MAPK9: variants seen among roughly 807,000 people sequenced by gnomAD.
MAPK9 encodes Jun kinase.
A neutral mutation model predicts 57.1 loss-of-function variants in MAPK9; 30 were observed. That is an observed-to-expected ratio of 0.53 (90% CI 0.39 to 0.71). MAPK9 has a LOEUF of 0.71. Among genes scored for constraint, MAPK9 ranks in the 30% least tolerant of loss-of-function variants. The pLI is 0.00. For synonymous variants in MAPK9, 155 were observed against 177.0 expected (o/e 0.88, Z 0.99); for missense variants, 362 against 521.0 (o/e 0.69, Z 2.97).
intron 10 of MAPK9, among the ~76,000 whole-genome samples, chr5:180,239,019 G>A (rs1017715277): frequency 2.6e-5 from 4 of 152,068 alleles, no homozygotes; most frequent in Non-Finnish European, 5.9e-5. Context: ...ACACTGTAGG[G>A]GATTGGATAT....
At chr5:180,242,871 G>C (rs1757775560) in intron 7 of MAPK9, 116 bp from the exon 8 acceptor site, 1 of 696,374 alleles carries the variant, frequency 1.4e-6, no homozygotes, top group African/African-American at 1.8e-5. Flanking sequence ...TGGATCAGCA[G>C]CGGAATTTTG....
Position 180,281,033 on chromosome 5 carries a change from G to A in MAPK9, c.-47-425C>T, listed in dbSNP as rs551629790. On this transcript the variant is annotated intron_variant, in intron 1 of 11. Coordinates refer to ENST00000452135, the MANE Select transcript of MAPK9 (RefSeq NM_002752.5). ...AATGATCACTTCTAGAATGCCTAAA[G>A]AGAAGCAAACGGACCAGTCTTCTGC... Among the ~76,000 whole-genome samples, 3 of 152,358 alleles carry A rather than the reference G, an allele frequency of 2.0e-5. No individual in the cohort carries two copies. In the East Asian group the frequency reaches 5.8e-4, roughly 29 times the overall value.
chr5:180,276,234 C>T (rs976501144), intron 2 of MAPK9, among the ~76,000 whole-genome samples: 3 of 152,152 alleles, frequency 2.0e-5, no homozygotes, highest in Non-Finnish European at 4.4e-5. Flanking sequence ...CAGGCCAGTA[C>T]TCATGTTTAT....
intron 1 of MAPK9, among the ~76,000 whole-genome samples, chr5:180,286,305 C>T (rs1762757328): frequency 6.7e-6 from 1 of 149,596 alleles, no homozygotes; most frequent in South Asian, 2.1e-4. Flanking sequence ...GCCAGCACAC[C>T]CAGCTAATTT....
At chr5:180,249,223 T>C (rs1204246229) in intron 5 of MAPK9, 85 bp from the exon 6 acceptor site, 2 of 1,304,446 alleles carry the variant, frequency 1.5e-6, no homozygotes, top group Middle Eastern at 1.9e-4. Context: ...GTGAAGCCAG[T>C]GTGAGAGTGT....
chr5:180,236,261 G>A lies in MAPK9; in HGVS notation c.*123C>T. 1 of 1,090,116 alleles carries A rather than the reference G, an allele frequency of 9.2e-7. No homozygotes were observed. The highest frequency in any genetic ancestry group is 1.3e-6 in the Non-Finnish European group (1 of 783,180). 67.5% of individuals were successfully genotyped at this position (1,090,116 alleles called of 1,614,324 possible). Reference sequence around the variant, plus strand: ...TCCTATCAGGTCTGAGTAGGGCAAGGCATTGTGTTTCTTACATGCAGAACA... The same window carrying A: ...TCCTATCAGGTCTGAGTAGGGCAAGACATTGTGTTTCTTACATGCAGAACA... On this transcript the variant is annotated 3_prime_UTR_variant, in exon 12 of 12. Transcript: ENST00000452135.
intron 1 of MAPK9, among the ~76,000 whole-genome samples, chr5:180,285,075 AT>A (rs2127629453): frequency 6.6e-6 from 1 of 152,342 alleles, no homozygotes; most frequent in South Asian, 2.1e-4. Context: ...CAGAATGATC[AT>A]TTGACACTTG....
intron 1 of MAPK9, among the ~76,000 whole-genome samples, chr5:180,283,570 ATTAGG>A (rs1762490393): frequency 6.6e-6 from 1 of 152,264 alleles, no homozygotes; most frequent in Admixed American, 6.5e-5. Context: ...CTATGACAAT[ATTAGG>A]TTAACTTTTT....
At chr5:180,268,180 T>C (rs944726965) in intron 3 of MAPK9, among the ~76,000 whole-genome samples, 2 of 152,204 alleles carry the variant, frequency 1.3e-5, no homozygotes, top group African/African-American at 2.4e-5. Context: ...CAGCGACCAC[T>C]AGGAGAACAA....
chr5:180,239,820 T>A, intron 10 of MAPK9, 104 bp downstream of exon 10: 3 of 1,127,786 alleles, frequency 2.7e-6, no homozygotes, highest in Non-Finnish European at 4.0e-6. Context: ...GTCGCAGGGT[T>A]TCTTGCCCCT....
At chr5:180,282,006 C>T (rs775112224) in intron 1 of MAPK9, among the ~76,000 whole-genome samples, 2 of 152,188 alleles carry the variant, frequency 1.3e-5, no homozygotes, top group Non-Finnish European at 2.9e-5. Flanking sequence ...CCTGCCTAGC[C>T]CACACTGCTG....
In MAPK9 at chr5:180,280,455, GC is replaced by G. The variant is rs1451825604; in HGVS notation, c.106del (p.Ala36ProfsTer15). 6.2e-7 allele frequency: 1 copy of G among 1,614,008 alleles called. No individual in the cohort carries two copies. Among genetic ancestry groups the G allele is most frequent in the Admixed American group, 1.7e-5 (1 of 60,004 alleles). On this transcript the variant is annotated frameshift_variant, in exon 2 of 12. Transcript: ENST00000452135. LOFTEE classifies it high-confidence loss of function. Reference protein sequence around the residue: ...YQQLKPIGSGAQGIVCAAFDT... With the variant: ...YQQLKPIGSGXQGIVCAAFDT... ...CCATACTTACCAAACAATCCCTTGG[GC>G]CCCAGAGCCAATTGGTTTCAGCTGC...
intron 5 of MAPK9, among the ~76,000 whole-genome samples, chr5:180,254,042 C>T (rs1467959397): frequency 2.8e-5 from 4 of 143,716 alleles, no homozygotes; most frequent in Non-Finnish European, 6.0e-5. Context: ...TCTCAGCTCA[C>T]TGCAACCTCC....
chr5:180,255,094 G>T (rs1022919205), intron 5 of MAPK9, among the ~76,000 whole-genome samples: 1 of 152,076 alleles, frequency 6.6e-6, no homozygotes, highest in Non-Finnish European at 1.5e-5. Flanking sequence ...GCTACCACAG[G>T]CACTGCCTCC....
At chr5:180,274,640 C>T (rs949018677) in intron 2 of MAPK9, among the ~76,000 whole-genome samples, 1 of 152,168 alleles carries the variant, frequency 6.6e-6, no homozygotes, top group Non-Finnish European at 1.5e-5. Flanking sequence ...TCCAGAACCT[C>T]CATCTGTGAG....
chr5:180,236,657 A>G, intron 11 of MAPK9, 131 bp from the exon 12 acceptor site: 1 of 916,822 alleles, frequency 1.1e-6, no homozygotes, highest in Non-Finnish European at 1.6e-6. Flanking sequence ...AGTATAGACA[A>G]GAAGTCAGTC....
intron 3 of MAPK9, 137 bp downstream of exon 3, chr5:180,269,143 C>CA (rs1321945192): frequency 6.1e-6 from 6 of 976,968 alleles, no homozygotes; most frequent in South Asian, 1.8e-5. Context: ...AAACAAAAAA[C>CA]AAAAAACCAA....
chr5:180,285,392 A>G (rs1257420562), intron 1 of MAPK9, among the ~76,000 whole-genome samples: 5 of 152,210 alleles, frequency 3.3e-5, no homozygotes, highest in African/African-American at 9.6e-5. Context: ...ACCAGCACAC[A>G]GTCCTGCACA....
rs1340994349 is a variant in MAPK9, at chr5:180,247,078, A to G, written c.688+361T>C. ...AATTTAGATAGCATCTTTCCTAGTT[A>G]AATTAACGGAATAAACTAAATAATA... On this transcript the variant is annotated intron_variant, in intron 7 of 11. Coordinates refer to ENST00000452135, the MANE Select transcript of MAPK9 (RefSeq NM_002752.5). This position sits in a 1 kb window ranked among gnomAD's most constrained non-coding sequence, Gnocchi z 4.5. 4.1e-6 allele frequency: 1 copy of G among 245,482 alleles called. No individual in the cohort carries two copies. Among genetic ancestry groups the G allele is most frequent in the African/African-American group, 2.3e-5 (1 of 43,942 alleles). 15.2% of individuals were successfully genotyped at this position (245,482 alleles called of 1,614,324 possible). A position where few individuals can be genotyped will look rare whatever the true frequency, so the allele number is the denominator to read the frequency against.
Sources: gnomAD v4.1 joint callset for allele counts (sites outside exome capture counted in the v4.1 genomes callset) on GRCh38, gnomAD v4.1.1 for gene constraint, Gnocchi (gnomAD v3.1) non-coding constraint, MANE v1.5 for transcripts, NCBI Gene and HGNC (gene_info 2026-07-23, HGNC 2026-07-21) for gene names.